Variants in NDRG3 observed in about 807,000 individuals in gnomAD.
NDRG3 encodes protein NDRG3.
Under a neutral mutation model 57.2 loss-of-function variants are expected in NDRG3, and 23 were observed. That is an observed-to-expected ratio of 0.40 (90% CI 0.29 to 0.57). The LOEUF (loss-of-function observed/expected upper bound fraction) is 0.57. Among genes scored for constraint, NDRG3 ranks in the 20% least tolerant of loss-of-function variants. The pLI is 0.42. For missense variants in NDRG3, 384 were observed against 457.3 expected (o/e 0.84, Z 1.46); for synonymous variants, 132 against 162.6 (o/e 0.81, Z 1.43).
chr20:36,683,581 C>T (rs891298554), intron 6 of NDRG3, among the ~76,000 whole-genome samples: 1 of 151,612 alleles, frequency 6.6e-6, no homozygotes, highest in Non-Finnish European at 1.5e-5. Context: ...CGCACCACTA[C>T]ACTCTAGCCT....
chr20:36,712,427 G>T (rs1429405086), intron 2 of NDRG3, among the ~76,000 whole-genome samples: 2 of 127,136 alleles, frequency 1.6e-5, no homozygotes, highest in African/African-American at 6.0e-5. Flanking sequence ...ATAGGGTCTC[G>T]CTCTGTCAGC....
In NDRG3 at chr20:36,652,096, A is replaced by C. The variant is rs1388305521; in HGVS notation, c.*1424T>G. 2 of 152,188 alleles carry C rather than the reference A, an allele frequency of 1.3e-5. No individual in the cohort carries two copies. Among genetic ancestry groups the C allele is most frequent in the Non-Finnish European group, 2.9e-5 (2 of 68,044 alleles). 9.4% of individuals were successfully genotyped at this position (152,188 alleles called of 1,614,324 possible). ...TACAGATTGGCCCTTTCTCTCCTAC[A>C]AAAGGGAGTTCATAGGATTAACAAT... On this transcript the variant is annotated 3_prime_UTR_variant, in exon 16 of 16. Transcript: ENST00000349004.
intron 8 of NDRG3, among the ~76,000 whole-genome samples, chr20:36,672,997 G>C (rs1256991385): frequency 1.3e-5 from 2 of 152,052 alleles, no homozygotes; most frequent in African/African-American, 4.8e-5. Flanking sequence ...CCAAGTAGCT[G>C]GGACTACAGT....
intron 3 of NDRG3, among the ~76,000 whole-genome samples, chr20:36,701,960 T>G (rs1246076756): frequency 6.6e-6 from 1 of 152,104 alleles, no homozygotes; most frequent in East Asian, 1.9e-4. Flanking sequence ...GCCCTCTGAC[T>G]TCAATAAATG....
chr20:36,670,407 C>G (rs1980043942), intron 9 of NDRG3, among the ~76,000 whole-genome samples: 1 of 152,118 alleles, frequency 6.6e-6, no homozygotes, highest in African/African-American at 2.4e-5. Context: ...TAGAACTTCT[C>G]TACTCTAAAA....
chr20:36,682,326 T>A (rs191874190), intron 7 of NDRG3, among the ~76,000 whole-genome samples, 192 bp downstream of exon 7: 13 of 152,290 alleles, frequency 8.5e-5, no homozygotes, highest in African/African-American at 3.1e-4. Flanking sequence ...TGATGTACTG[T>A]CCCCATTTGT....
chr20:36,690,812 G>A (rs1383319092), intron 3 of NDRG3, among the ~76,000 whole-genome samples: 2 of 146,060 alleles, frequency 1.4e-5, no homozygotes, highest in Non-Finnish European at 3.0e-5. Context: ...AAGATGCACC[G>A]AGCAAAGCTC....
At chr20:36,667,233 T>C (rs1254744814) in intron 9 of NDRG3, among the ~76,000 whole-genome samples, 1 of 152,222 alleles carries the variant, frequency 6.6e-6, no homozygotes, top group Non-Finnish European at 1.5e-5. Context: ...TTTATGACAC[T>C]TTATTGATTT....
At chr20:36,702,567 A>G (rs1171760588) in intron 3 of NDRG3, among the ~76,000 whole-genome samples, 29 of 152,000 alleles carry the variant, frequency 1.9e-4, no homozygotes, top group Admixed American at 1.8e-3. Flanking sequence ...CCTGTCACCC[A>G]GGCTGCAGTG....
At chr20:36,730,745 C>T (rs56189164) in intron 1 of NDRG3, among the ~76,000 whole-genome samples, 3 of 151,574 alleles carry the variant, frequency 2.0e-5, no homozygotes, top group Non-Finnish European at 4.4e-5. Flanking sequence ...GCCAGGAGTT[C>T]GAGACCAGCC....
At chr20:36,671,573 C>T (rs1188811238) in intron 8 of NDRG3, among the ~76,000 whole-genome samples, 176 bp from the exon 9 acceptor site, 1 of 152,218 alleles carries the variant, frequency 6.6e-6, no homozygotes, top group Non-Finnish European at 1.5e-5. Flanking sequence ...GAGGCTGAGG[C>T]GGGCAGATCA....
intron 1 of NDRG3, 21 bp downstream of exon 1, chr20:36,746,024 C>G: frequency 3.1e-6 from 1 of 320,864 alleles, no homozygotes; most frequent in Non-Finnish European, 5.7e-6. Context: ...CCCCGCGGGC[C>G]GGGCGGAGGC....
intron 2 of NDRG3, among the ~76,000 whole-genome samples, chr20:36,714,318 T>C (rs1318350735): frequency 9.8e-5 from 14 of 142,738 alleles, no homozygotes; most frequent in Non-Finnish European, 3.0e-5. Flanking sequence ...GGCAGGAGAA[T>C]TGCTTGAACT....
intron 1 of NDRG3, among the ~76,000 whole-genome samples, chr20:36,726,601 C>G (rs1984949370): frequency 6.6e-6 from 1 of 152,226 alleles, no homozygotes. Context: ...CCAAGGCCTG[C>G]AGTTCCGGCA....
At chr20:36,683,147 G>A (rs964515204) in intron 6 of NDRG3, among the ~76,000 whole-genome samples, 2 of 152,054 alleles carry the variant, frequency 1.3e-5, no homozygotes, top group Non-Finnish European at 2.9e-5. Context: ...GGGAGGCTGA[G>A]GCAGGAGAAT....
chr20:36,702,216 A>G (rs1481404625), intron 3 of NDRG3, among the ~76,000 whole-genome samples: 1 of 151,940 alleles, frequency 6.6e-6, no homozygotes, highest in Non-Finnish European at 1.5e-5. Flanking sequence ...GGTTCACTGC[A>G]AGCTCCGCCT....
intron 1 of NDRG3, among the ~76,000 whole-genome samples, chr20:36,723,020 ATG>A (rs1346656264): frequency 6.6e-6 from 1 of 152,146 alleles, no homozygotes; most frequent in Non-Finnish European, 1.5e-5. Flanking sequence ...CCTGCTAGCC[ATG>A]TGTGTGAGTT....
intron 1 of NDRG3, among the ~76,000 whole-genome samples, chr20:36,728,730 G>A (rs924412732): frequency 1.3e-5 from 2 of 151,160 alleles, no homozygotes; most frequent in African/African-American, 2.4e-5. Context: ...TTGTTTTTTT[G>A]GGGGGGAGGT....
intron 3 of NDRG3, among the ~76,000 whole-genome samples, chr20:36,703,986 TAGC>T (rs1382979637): frequency 2.0e-5 from 3 of 152,210 alleles, no homozygotes; most frequent in East Asian, 3.8e-4. Flanking sequence ...ACTAGTGAAA[TAGC>T]AGGTGATTTT....
Sources: allele counts gnomAD v4.1 joint callset (sites outside exome capture counted in the v4.1 genomes callset), GRCh38; gene constraint gnomAD v4.1.1; transcripts MANE v1.5; gene names NCBI Gene and HGNC (gene_info 2026-07-23, HGNC 2026-07-21).